GLOD5: variants seen among roughly 807,000 people sequenced by gnomAD.
The protein encoded by GLOD5 is glyoxalase domain-containing protein 5.
A neutral mutation model predicts 9.9 loss-of-function variants in GLOD5; 7 were observed. The ratio of observed to expected loss-of-function variants is 0.71; its 90% CI spans 0.40 to 1.33. The LOEUF (loss-of-function observed/expected upper bound fraction) is 1.33, where lower values mean the gene tolerates loss of function less well. GLOD5 is among the 40% of genes most tolerant of loss of function. The pLI is 0.01. For synonymous variants in GLOD5, 49 were observed against 47.3 expected (o/e 1.04, Z -0.14); for missense variants, 146 against 128.4 (o/e 1.14, Z -0.66).
chrX:48,763,418 G>A (rs1378254593), intron 1 of GLOD5, among the ~76,000 whole-genome samples: 3 of 111,887 alleles, frequency 2.7e-5, no homozygotes, highest in African/African-American at 9.7e-5. Context: ...AGTGGCTCAT[G>A]CCTGTAACCC....
intron 2 of GLOD5, among the ~76,000 whole-genome samples, chrX:48,770,480 A>C (rs1461437604): frequency 9.0e-6 from 1 of 111,071 alleles, no homozygotes; most frequent in Non-Finnish European, 1.9e-5. Context: ...ATGAGCAATA[A>C]GGGCCAGCGC....
intron 1 of GLOD5, among the ~76,000 whole-genome samples, chrX:48,763,406 G>A (rs1299979245): frequency 8.9e-6 from 1 of 111,967 alleles, no homozygotes; most frequent in Non-Finnish European, 1.9e-5. Context: ...AGGGCTGGGT[G>A]CAGTGGCTCA....
intron 2 of GLOD5, 65 bp downstream of exon 2, chrX:48,766,037 T>C (rs1557016665): frequency 9.9e-7 from 1 of 1,012,481 alleles, no homozygotes; most frequent in Non-Finnish European, 1.4e-6. Flanking sequence ...CTTTAACATA[T>C]AACTTAACTC....
At chrX:48,768,600 G>A (rs1376686517) in intron 2 of GLOD5, among the ~76,000 whole-genome samples, 1 of 111,755 alleles carries the variant, frequency 8.9e-6, no homozygotes, top group African/African-American at 3.3e-5. Flanking sequence ...AGAATAAAAC[G>A]CAGATGAACA....
intron 2 of GLOD5, among the ~76,000 whole-genome samples, chrX:48,768,250 G>A (rs929174955): frequency 1.8e-5 from 2 of 112,393 alleles, no homozygotes; most frequent in Middle Eastern, 4.6e-3. Context: ...TGAAAAGAAC[G>A]TGCTGAGTGA....
rs2062620846 is a variant in GLOD5, at chrX:48,770,993, G to C, written c.268G>C (p.Glu90Gln). The C allele has an allele frequency of 8.3e-7, 1 of 1,200,409 alleles. No individual in the cohort carries two copies. Among genetic ancestry groups the C allele is most frequent in the African/African-American group, 1.8e-5 (1 of 56,729 alleles). ...FNLHEVGKEF[E>Q]PKAAHPVPGS... ...CCTCCACGAGGTGGGAAAGGAATTT[G>C]AACCCAAAGCCGCTCACCCAGTTCC... Residue 90 changes from glutamate (E) to glutamine (Q), a missense_variant, in exon 3 of 4, where the codon GAA becomes CAA. Glu to Gln is a conservative substitution (Grantham distance 29, BLOSUM62 2). Coordinates refer to ENST00000303227, the MANE Select transcript of GLOD5 (RefSeq NM_001080489.3).
At chrX:48,772,968 G>C (rs1557017583) in intron 3 of GLOD5, among the ~76,000 whole-genome samples, 1 of 110,826 alleles carries the variant, frequency 9.0e-6, no homozygotes, top group African/African-American at 3.3e-5. Flanking sequence ...AGGCGCAGTG[G>C]TTCATGCCTA....
At chrX:48,764,450 T>C (rs2062603919) in intron 1 of GLOD5, among the ~76,000 whole-genome samples, 1 of 111,168 alleles carries the variant, frequency 9.0e-6, no homozygotes, top group African/African-American at 3.3e-5. Context: ...ACTCTCACAA[T>C]AATCCTACAT....
chrX:48,765,509 C>T (rs1486079076), intron 1 of GLOD5: 2 of 254,925 alleles, frequency 7.8e-6, no homozygotes, highest in South Asian at 3.7e-5. Context: ...AGCTGGGAGG[C>T]GGAGGTTGCA....
At chrX:48,773,116 A>G (rs1405463269) in intron 3 of GLOD5, among the ~76,000 whole-genome samples, 194 bp from the exon 4 acceptor site, 16 of 108,714 alleles carry the variant, frequency 1.5e-4, no homozygotes, top group African/African-American at 5.0e-4. Context: ...AATCCCAGCT[A>G]CTCAGGAGGC....
At chrX:48,765,655 T>G in intron 1 of GLOD5, 180 bp from the exon 2 acceptor site, 1 of 509,559 alleles carries the variant, frequency 2.0e-6, no homozygotes, top group Non-Finnish European at 3.6e-6. Context: ...ATGTGGGCTC[T>G]CATGAATCCA....
Position 48,761,813 on chromosome X carries a change from G to A in GLOD5, c.23G>A (p.Arg8Lys). The stretch of plus-strand genomic sequence containing the variant: ...GCCATGCTGCGCCATCTGCCCTCCA[G>A]GCTGCCAGTCAAGATGTGGGGCAGG... MLRHLPSRLPVKMWGRTL... is the reference protein window; with the variant it reads MLRHLPSKLPVKMWGRTL... The change falls in exon 1 of 4, where the codon AGG becomes AAG. Residue 8 changes from arginine to lysine, a missense_variant. Coordinates refer to ENST00000303227, the MANE Select transcript of GLOD5 (RefSeq NM_001080489.3). 8.6e-7 allele frequency: 1 copy of A among 1,167,007 alleles called. No individual in the cohort carries two copies. The highest frequency in any genetic ancestry group is 1.1e-6 in the Non-Finnish European group (1 of 872,494).
chrX:48,771,192 C>T, intron 3 of GLOD5, 110 bp downstream of exon 3: 1 of 474,598 alleles, frequency 2.1e-6, no homozygotes. Flanking sequence ...TGTCTGCACA[C>T]AGTTATGTAC....
chrX:48,771,734 T>C (rs1264357158), intron 3 of GLOD5, among the ~76,000 whole-genome samples: 4 of 112,175 alleles, frequency 3.6e-5, no homozygotes, highest in Non-Finnish European at 5.6e-5. Context: ...AACAATGTCA[T>C]TAGATTCTAG....
At chrX:48,769,776 A>C (rs868944032) in intron 2 of GLOD5, among the ~76,000 whole-genome samples, 4 of 107,384 alleles carry the variant, frequency 3.7e-5, no homozygotes, top group African/African-American at 1.4e-4. Flanking sequence ...CCAGGAGTTC[A>C]AGACCAGCCT....
chrX:48,773,216 C>A (rs1421853584), intron 3 of GLOD5, 94 bp from the exon 4 acceptor site: 5 of 1,015,421 alleles, frequency 4.9e-6, no homozygotes, highest in South Asian at 3.9e-5. Context: ...GGTGACGGAG[C>A]GAGACTCTGT....
At chrX:48,769,814 C>A (rs868960116) in intron 2 of GLOD5, among the ~76,000 whole-genome samples, 1 of 103,182 alleles carries the variant, frequency 9.7e-6, no homozygotes, top group African/African-American at 3.5e-5. Flanking sequence ...CCGGTCTCTA[C>A]AAAAAATAAA....
chrX:48,770,676 C>A (rs1343420059), intron 2 of GLOD5, among the ~76,000 whole-genome samples: 1 of 111,814 alleles, frequency 8.9e-6, no homozygotes, highest in Non-Finnish European at 1.9e-5. Context: ...ACTGGGTAGG[C>A]AAATTGCTAT....
At chrX:48,766,691 C>A (rs2062609906) in intron 2 of GLOD5, among the ~76,000 whole-genome samples, 1 of 109,642 alleles carries the variant, frequency 9.1e-6, no homozygotes, top group African/African-American at 3.3e-5. Flanking sequence ...GCAGAGGTTG[C>A]AGTGAGCTGA....
Sources: gnomAD v4.1 joint callset for allele counts (sites outside exome capture counted in the v4.1 genomes callset) on GRCh38, gnomAD v4.1.1 for gene constraint, MANE v1.5 for transcripts, NCBI Gene and HGNC (gene_info 2026-07-23, HGNC 2026-07-21) for gene names.